Variants in NFIX observed in about 807,000 individuals in gnomAD.
NFIX encodes the protein nuclear factor I X, also known as nuclear factor 1 X-type.
In NFIX, 2 loss-of-function variants were observed where a neutral mutation model predicts 53.3. The ratio of observed to expected loss-of-function variants is 0.04; its 90% CI spans 0.02 to 0.12. The LOEUF (loss-of-function observed/expected upper bound fraction) is 0.12. NFIX is among the 10% of genes least tolerant of loss of function. The pLI, the probability that NFIX is intolerant of heterozygous loss-of-function variation, is 1.00. For missense variants in NFIX, 310 were observed against 674.5 expected (o/e 0.46, Z 5.99); for synonymous variants, 244 against 289.0 (o/e 0.84, Z 1.58).
rs1209383528 is a variant in NFIX at position 13,067,457 on chromosome 19, TGC to T, written c.560-5584_560-5583del. On this transcript the variant is annotated intron_variant, in intron 2 of 10. Coordinates refer to ENST00000592199, the MANE Select transcript of NFIX (RefSeq NM_001365902.3). This position sits in a 1 kb window ranked among gnomAD's most constrained non-coding sequence, Gnocchi z 4.2. ...GTGGTTAGTGGCACCTCCGTGTGTG[TGC>T]GCGCGTGTGTGTGTGTGTGTGTGCG... is the stretch of plus-strand genomic sequence containing the variant. Among the ~76,000 whole-genome samples the T allele has an allele frequency of 4.1e-4, 59 of 144,704 alleles. No individual in the cohort carries two copies. The highest frequency in any genetic ancestry group is 1.6e-3 in the African/African-American group (59 of 37,466). The allele number at this position is 144,704 out of a possible 152,430, so 94.9% of individuals were successfully genotyped here.
intron 2 of NFIX, among the ~76,000 whole-genome samples, chr19:13,058,605 G>T (rs2015862260): frequency 6.6e-6 from 1 of 151,232 alleles, no homozygotes; most frequent in African/African-American, 2.4e-5. Flanking sequence ...AGCTAGGAGG[G>T]TCCTTAAGCC....
chr19:13,085,216 A>C (rs1266889024), intron 8 of NFIX, among the ~76,000 whole-genome samples: 1 of 152,230 alleles, frequency 6.6e-6, no homozygotes, highest in African/African-American at 2.4e-5. Context: ...GAGCTGAGAC[A>C]TGCCAGCCTG....
intron 2 of NFIX, among the ~76,000 whole-genome samples, chr19:13,059,923 A>G (rs1465306470): frequency 1.3e-5 from 2 of 151,720 alleles, no homozygotes; most frequent in Non-Finnish European, 2.9e-5. Flanking sequence ...AGCTGGGACT[A>G]GAGGCATGTG....
At chr19:13,061,484 C>T (rs1181565524) in intron 2 of NFIX, among the ~76,000 whole-genome samples, 3 of 152,198 alleles carry the variant, frequency 2.0e-5, no homozygotes, top group Non-Finnish European at 4.4e-5. Flanking sequence ...AGCTCTGGGC[C>T]GGTCGCTGGC....
At position 13,027,475 on chromosome 19, in the gene NFIX, A is replaced by T. The variant is rs971965381; in HGVS notation, c.559+1923A>T. ...CCTCGAGCTTACCAGTGTGGCCATC[A>T]GATACTCCTGCACAAGGGGATTCTG... On this transcript the variant is annotated intron_variant, in intron 2 of 10. Transcript: ENST00000592199. This position sits in a 1 kb window ranked among gnomAD's most constrained non-coding sequence, Gnocchi z 4.3. Among the ~76,000 whole-genome samples, 1 of 152,166 alleles carries T rather than the reference A, an allele frequency of 6.6e-6. No individual in the cohort carries two copies. Among genetic ancestry groups the T allele is most frequent in the Non-Finnish European group, 1.5e-5 (1 of 68,018 alleles).
intron 8 of NFIX, chr19:13,082,689 C>A (rs1250143310): frequency 6.6e-6 from 1 of 152,264 alleles, no homozygotes; most frequent in African/African-American, 2.4e-5. Flanking sequence ...AGTGGGACAA[C>A]GGTCCCTGGT....
At chr19:13,046,917 A>G (rs1274925803) in intron 2 of NFIX, among the ~76,000 whole-genome samples, 2 of 152,226 alleles carry the variant, frequency 1.3e-5, no homozygotes, top group Non-Finnish European at 2.9e-5. Context: ...AAGAGTCAGG[A>G]AGAACATCAG....
rs2011567050 is a variant in NFIX, at chr19:12,998,871, G to A, written c.27+3007G>A. On this transcript the variant is annotated intron_variant, in intron 1 of 10. Transcript: ENST00000592199. This position sits in a 1 kb window ranked among gnomAD's most constrained non-coding sequence, Gnocchi z 4.4. The stretch of plus-strand genomic sequence containing the variant: ...AGCGACACAGCAGTACCTCTTTGAC[G>A]CACGTATGGACACAGGAAACTGTGG... Among the ~76,000 whole-genome samples, 3 of 152,046 alleles carry A rather than the reference G, an allele frequency of 2.0e-5. No individual in the cohort carries two copies. Among genetic ancestry groups the A allele is most frequent in the South Asian group, 4.1e-4 (2 of 4,824 alleles).
chr19:13,002,708 G>A lies in NFIX; in HGVS notation c.27+6844G>A, dbSNP rs1219516402. 2.0e-5 allele frequency among the ~76,000 whole-genome samples: 3 copies of A among 152,344 alleles called. No individual in the cohort carries two copies. The highest frequency in any genetic ancestry group is 1.9e-4 in the East Asian group (1 of 5,180). ...CCGATGTGGCTGCGCCAGCCAGGGA[G>A]GGGAGGCGGGTAGCGGGCACTGCGG... On this transcript the variant is annotated intron_variant, in intron 1 of 10. Transcript: ENST00000592199. This position sits in a 1 kb window ranked among gnomAD's most constrained non-coding sequence, Gnocchi z 6.1.
chr19:13,095,865 G>C lies in NFIX; in HGVS notation c.*1216G>C, dbSNP rs916099626. On this transcript the variant is annotated 3_prime_UTR_variant, in exon 11 of 11. Transcript: ENST00000592199. The stretch of plus-strand genomic sequence containing the variant: ...CCCCCCACGTGGCCACTTTTCTCTG[G>C]ATTTTAGCTGTAATGTCTTTACTCT... 1 of 150,386 alleles carries C rather than the reference G, an allele frequency of 6.6e-6. No homozygotes were observed. The highest frequency in any genetic ancestry group is 2.5e-5 in the African/African-American group (1 of 40,654). 9.3% of individuals were successfully genotyped at this position (150,386 alleles called of 1,614,324 possible).
chr19:13,057,397 T>C (rs968852510), intron 2 of NFIX, among the ~76,000 whole-genome samples: 1 of 152,180 alleles, frequency 6.6e-6, no homozygotes, highest in Non-Finnish European at 1.5e-5. Flanking sequence ...CGACATTGTT[T>C]ACTTAATTAA....
At chr19:13,016,477 C>G (rs1444270008) in intron 1 of NFIX, among the ~76,000 whole-genome samples, 1 of 152,162 alleles carries the variant, frequency 6.6e-6, no homozygotes, top group Non-Finnish European at 1.5e-5. Flanking sequence ...TTGCTGTCAA[C>G]ATCTGGAAAG....
In NFIX at chr19:12,998,576, G is replaced by A. The variant is rs1034183653; in HGVS notation, c.27+2712G>A. Among the ~76,000 whole-genome samples, 1 of 152,080 alleles carries A rather than the reference G, an allele frequency of 6.6e-6. No homozygotes were observed. The highest frequency in any genetic ancestry group is 6.5e-5 in the Admixed American group (1 of 15,278). ...CAGTCCTGAGTCTCAGGCGGAGAGA[G>A]GGGTGGGGGGTGGATGGATGGACCC... is the stretch of plus-strand genomic sequence containing the variant. On this transcript the variant is annotated intron_variant, in intron 1 of 10. Coordinates refer to ENST00000592199, the MANE Select transcript of NFIX (RefSeq NM_001365902.3). The surrounding 1 kb of genome is among the most constrained non-coding windows in gnomAD (Gnocchi z 4.4).
intron 8 of NFIX, 124 bp from the exon 9 acceptor site, chr19:13,087,865 A>G (rs2017879109): frequency 1.0e-6 from 1 of 995,278 alleles, no homozygotes; most frequent in Non-Finnish European, 1.4e-6. Context: ...GGAGGAGAGG[A>G]CCCAATCCTG....
chr19:13,041,873 C>G (rs1031637005), intron 2 of NFIX, among the ~76,000 whole-genome samples: 1 of 151,108 alleles, frequency 6.6e-6, no homozygotes, highest in Non-Finnish European at 1.5e-5. Context: ...AGTGGTTTAG[C>G]ATCTTTTCTT....
At position 13,025,577 on chromosome 19, in the gene NFIX, C is replaced by T; in HGVS notation, c.559+25C>T. On this transcript the variant is annotated intron_variant, in intron 2 of 10. Transcript: ENST00000592199. The surrounding 1 kb of genome is among the most constrained non-coding windows in gnomAD (Gnocchi z 7.5). ...GGTAGGTCGTTCTCAACCATTTTTC[C>T]CTCTCATTTTATTTTCCTTGCTGGC... is the stretch of plus-strand genomic sequence containing the variant. The T allele has an allele frequency of 6.3e-7, 1 of 1,593,994 alleles. No individual in the cohort carries two copies. Among genetic ancestry groups the T allele is most frequent in the African/African-American group, 1.3e-5 (1 of 74,532 alleles).
chr19:13,073,859 A>G lies in NFIX; in HGVS notation c.698-47A>G, dbSNP rs531673493. 3 of 1,613,038 alleles carry G rather than the reference A, an allele frequency of 1.9e-6. No individual in the cohort carries two copies. In the South Asian group the frequency reaches 3.3e-5, roughly 18 times the overall value. On this transcript the variant is annotated intron_variant, in intron 4 of 10. Coordinates refer to ENST00000592199, the MANE Select transcript of NFIX (RefSeq NM_001365902.3). The surrounding 1 kb of genome is among the most constrained non-coding windows in gnomAD (Gnocchi z 4.5). ...TCATGACAAAGAAACAGACCCCATC[A>G]GGCCTCCCCCCACCTCCAAACCTCA...
Position 13,049,234 on chromosome 19 carries a change from G to A in NFIX, c.559+23682G>A, listed in dbSNP as rs2015178665. ...CACTACTGCACTCCAGCCTGGGCAG[G>A]CAACAGAGTAAGACTGCCTCTAAAA... On this transcript the variant is annotated intron_variant, in intron 2 of 10. Transcript: ENST00000592199. The surrounding 1 kb of genome is among the most constrained non-coding windows in gnomAD (Gnocchi z 4.5). 6.6e-6 allele frequency among the ~76,000 whole-genome samples: 1 copy of A among 151,996 alleles called. No individual in the cohort carries two copies. Among genetic ancestry groups the A allele is most frequent in the South Asian group, 2.1e-4 (1 of 4,826 alleles).
rs940541508 is a variant in NFIX, at chr19:13,006,495, T to A, written c.27+10631T>A. ...TTCCTTTACAGAAACTGGGGCTTGA[T>A]GGGCACTGGGTATTCGCAACCCTGC... On this transcript the variant is annotated intron_variant, in intron 1 of 10. Coordinates refer to ENST00000592199, the MANE Select transcript of NFIX (RefSeq NM_001365902.3). The surrounding 1 kb of genome is among the most constrained non-coding windows in gnomAD (Gnocchi z 5.6). Among the ~76,000 whole-genome samples the A allele has an allele frequency of 7.9e-5, 12 of 152,178 alleles. No individual in the cohort carries two copies. Among genetic ancestry groups the A allele is most frequent in the Non-Finnish European group, 1.5e-4 (10 of 68,030 alleles).
Sources: allele counts gnomAD v4.1 joint callset (sites outside exome capture counted in the v4.1 genomes callset), GRCh38; gene constraint gnomAD v4.1.1; non-coding constraint Gnocchi (gnomAD v3.1); transcripts MANE v1.5; gene names NCBI Gene and HGNC (gene_info 2026-07-23, HGNC 2026-07-21).